The following CTDSPL variants were observed in gnomAD, a reference collection of about 807,000 sequenced individuals.
CTDSPL encodes the protein CTD small phosphatase like.
CTDSPL carries 8 observed loss-of-function variants against 30.5 expected under a neutral mutation model. The ratio of observed to expected loss-of-function variants is 0.26; its 90% confidence interval spans 0.15 to 0.47. The LOEUF (loss-of-function observed/expected upper bound fraction) is 0.47. Ranked by LOEUF, CTDSPL falls within the 20% of genes least tolerant of loss-of-function variation. The probability of loss-of-function intolerance (pLI) is 0.99; values close to 1 mark genes in which losing one functional copy is unlikely to be tolerated. For synonymous variants in CTDSPL, 110 were observed against 137.9 expected, an observed-to-expected ratio of 0.80 and a Z score of 1.42; for missense variants, 248 against 366.1, an observed-to-expected ratio of 0.68 and a Z score of 2.63.
Position 37,862,161 on chromosome 3 carries a change from G to T in CTDSPL, c.-39G>T. 1 of 1,027,936 alleles carries T rather than the reference G, an allele frequency of 9.7e-7. No individual in the cohort carries two copies. Among genetic ancestry groups the T allele is most frequent in the South Asian group, 4.6e-5 (1 of 21,888 alleles). The allele number at this position is 1,027,936 out of a possible 1,614,324, so 63.7% of individuals were successfully genotyped here. The stretch of plus-strand genomic sequence containing the variant: ...CGCGCCCCCGCGCGCTTGGCTTGCG[G>T]GGGGCCGGGCCTGCGGGCGGCCGCC... On this transcript the variant is annotated 5_prime_UTR_variant, in exon 1 of 8. Coordinates refer to ENST00000273179, the MANE Select transcript of CTDSPL (RefSeq NM_001008392.2). The surrounding 1 kb of genome is among the most constrained non-coding windows in gnomAD (Gnocchi z 4.3).
Position 37,862,267 on chromosome 3 carries a change from C to A in CTDSPL, c.68C>A (p.Ala23Glu). 6.7e-7 allele frequency: 1 copy of A among 1,494,776 alleles called. No homozygotes were observed. The highest frequency in any genetic ancestry group is 8.9e-7 in the Non-Finnish European group (1 of 1,125,516). 92.6% of individuals were successfully genotyped at this position (1,494,776 alleles called of 1,614,324 possible). A position where few individuals can be genotyped will look rare whatever the true frequency, so the allele number is the denominator to read the frequency against. ...PKEDEGRLPGAGEKASQCNVS... is the reference protein window; with the variant it reads ...PKEDEGRLPGEGEKASQCNVS... ...GAGGACGAGGGCCGGTTGCCGGGCG[C>A]GGGCGAGAAAGGTGAGGAGGGGCGC... is the stretch of plus-strand genomic sequence containing the variant. Residue 23 changes from alanine (A) to glutamate (E), a missense_variant, in exon 1 of 8, where the codon GCG becomes GAG. Physicochemically the swap from Ala to Glu is moderately radical, Grantham distance 107. Transcript: ENST00000273179. The surrounding 1 kb of genome is among the most constrained non-coding windows in gnomAD (Gnocchi z 4.3).
chr3:37,931,174 G>T (rs1028241205), intron 1 of CTDSPL, among the ~76,000 whole-genome samples: 1 of 147,950 alleles, frequency 6.8e-6, no homozygotes. Flanking sequence ...TCGAGACAAG[G>T]TTTCACTGTG....
chr3:37,867,928 C>T (rs764479970), intron 1 of CTDSPL, among the ~76,000 whole-genome samples: 3 of 152,092 alleles, frequency 2.0e-5, no homozygotes, highest in Non-Finnish European at 4.4e-5. Context: ...CGTTTGTCAC[C>T]ACAAAGGAAC....
At position 37,926,667 on chromosome 3, in the gene CTDSPL, A is replaced by T. The variant is rs570787874; in HGVS notation, c.80-20390A>T. Among the ~76,000 whole-genome samples the T allele has an allele frequency of 2.0e-5, 3 of 152,350 alleles. No homozygotes were observed. The South Asian group carries it at 6.2e-4, about 32-fold the overall frequency. On this transcript the variant is annotated intron_variant, in intron 1 of 7. Transcript: ENST00000273179. Reference sequence around the variant, plus strand: ...CATTCTAATTAAACATCATGGGAAGAAGTTTGATACAATTATGGCAGATTT... The same window carrying T: ...CATTCTAATTAAACATCATGGGAAGTAGTTTGATACAATTATGGCAGATTT...
chr3:37,880,447 A>G (rs960203420), intron 1 of CTDSPL, among the ~76,000 whole-genome samples: 1 of 152,176 alleles, frequency 6.6e-6, no homozygotes, highest in African/African-American at 2.4e-5. Context: ...TGCCTCTGTC[A>G]TGGGCAGCAT....
chr3:37,957,092 TTTTTTTC>T lies in CTDSPL; in HGVS notation c.235-13_235-7del. 1 of 1,597,186 alleles carries T rather than the reference TTTTTTTC, an allele frequency of 6.3e-7. No homozygotes were observed. Among genetic ancestry groups the T allele is most frequent in the Non-Finnish European group, 8.5e-7 (1 of 1,169,638 alleles). On this transcript the variant is annotated splice_polypyrimidine_tract_variant and intron_variant, in intron 2 of 7. Coordinates refer to ENST00000273179, the MANE Select transcript of CTDSPL (RefSeq NM_001008392.2). ...TTCTCTTCGAACCTGACAATGATTT[TTTTTTTC>T]TTTTTCCTCAGGGTGACCAGAGGCA...
At chr3:37,864,420 A>G (rs1697983608) in intron 1 of CTDSPL, among the ~76,000 whole-genome samples, 1 of 152,166 alleles carries the variant, frequency 6.6e-6, no homozygotes, top group Non-Finnish European at 1.5e-5. Context: ...TATTATCTTT[A>G]GCAGCCTATT....
intron 1 of CTDSPL, among the ~76,000 whole-genome samples, chr3:37,945,890 A>G (rs1182555530): frequency 1.3e-5 from 2 of 152,230 alleles, no homozygotes. Flanking sequence ...AGCACCCCCA[A>G]AACATTCAGC....
In CTDSPL at chr3:37,918,411, C is replaced by G. The variant is rs966528584; in HGVS notation, c.80-28646C>G. ...TGTGTCTGCTCCAGAAAGCTGGGGT[C>G]CTTGTGGCCTCATGTGAAATATTTC... On this transcript the variant is annotated intron_variant, in intron 1 of 7. Transcript: ENST00000273179. Among the ~76,000 whole-genome samples, 3 of 152,138 alleles carry G rather than the reference C, an allele frequency of 2.0e-5. No homozygotes were observed. The South Asian group carries it at 6.2e-4, about 32-fold the overall frequency.
Position 37,862,349 on chromosome 3 carries a change from G to C in CTDSPL, c.79+71G>C, listed in dbSNP as rs1697952030. 7.5e-7 allele frequency: 1 copy of C among 1,328,372 alleles called. No homozygotes were observed. Among genetic ancestry groups the C allele is most frequent in the Non-Finnish European group, 9.7e-7 (1 of 1,027,556 alleles). 82.3% of individuals were successfully genotyped at this position (1,328,372 alleles called of 1,614,324 possible). ...CCCGCGCCGCTGGAGTTCACTGCCG[G>C]GCGCCGGCATGGGCCTGGGGGAGGG... On this transcript the variant is annotated intron_variant, in intron 1 of 7. Transcript: ENST00000273179. This position sits in a 1 kb window ranked among gnomAD's most constrained non-coding sequence, Gnocchi z 4.3.
chr3:37,895,014 A>G lies in CTDSPL; in HGVS notation c.79+32736A>G, dbSNP rs79560513. Among the ~76,000 whole-genome samples, 1,034 of 152,252 alleles carry G rather than the reference A, an allele frequency of 6.8e-3. 33 individuals carry two copies. In the East Asian group the frequency reaches 0.1, roughly 15 times the overall value. ...TTAAAAAATCTTATCTGCTAATTGC[A>G]CCGTCTAGGTTATCTTGGATTCTCT... On this transcript the variant is annotated intron_variant, in intron 1 of 7. Transcript: ENST00000273179.
intron 1 of CTDSPL, among the ~76,000 whole-genome samples, chr3:37,892,312 G>A (rs921016454): frequency 2.6e-5 from 4 of 152,114 alleles, no homozygotes; most frequent in African/African-American, 7.2e-5. Context: ...ATTAAAAAAG[G>A]CTAAATGAAG....
chr3:37,936,690 C>T (rs951469186), intron 1 of CTDSPL, among the ~76,000 whole-genome samples: 2 of 141,466 alleles, frequency 1.4e-5, no homozygotes, highest in Admixed American at 7.0e-5. Flanking sequence ...AGGTGTTTAG[C>T]TTATTCCGTA....
chr3:37,949,331 A>G (rs1194260622), intron 2 of CTDSPL, among the ~76,000 whole-genome samples: 2 of 152,206 alleles, frequency 1.3e-5, no homozygotes, highest in Non-Finnish European at 2.9e-5. Context: ...TATGGACATA[A>G]TTATGAATGT....
At chr3:37,927,632 ATATATGTGTGTG>A (rs1318653161) in intron 1 of CTDSPL, among the ~76,000 whole-genome samples, 25 of 83,916 alleles carry the variant, frequency 3.0e-4, no homozygotes, top group African/African-American at 1.4e-3. Flanking sequence ...TAAAAGAAAA[ATATATGTGTGTG>A]TGTGTGTGTG....
chr3:37,975,957 G>A lies in CTDSPL; in HGVS notation c.705+63G>A, dbSNP rs537057884. On this transcript the variant is annotated intron_variant, in intron 7 of 7. Coordinates refer to ENST00000273179, the MANE Select transcript of CTDSPL (RefSeq NM_001008392.2). This position sits in a 1 kb window ranked among gnomAD's most constrained non-coding sequence, Gnocchi z 4.9. The stretch of plus-strand genomic sequence containing the variant: ...CTGAGCCCTCTGTCTTGCCAGGCAG[G>A]TACCACTTTTGAGCACCTACACAAG... The A allele has an allele frequency of 5.7e-5, 88 of 1,549,712 alleles. No homozygotes were observed. In the African/African-American group the frequency reaches 1.2e-3, roughly 21 times the overall value.
At position 37,884,923 on chromosome 3, in the gene CTDSPL, T is replaced by C. The variant is rs116316809; in HGVS notation, c.79+22645T>C. ...TGAGGAAAGTGATAAGAGTCTCCAA[T>C]AGAACTGACAGCAGGAAAGGGATTT... On this transcript the variant is annotated intron_variant, in intron 1 of 7. Coordinates refer to ENST00000273179, the MANE Select transcript of CTDSPL (RefSeq NM_001008392.2). 8.6e-3 allele frequency among the ~76,000 whole-genome samples: 1,308 copies of C among 152,082 alleles called. 24 individuals are homozygous for C. Among genetic ancestry groups the C allele is most frequent in the African/African-American group, 0.029 (1,207 of 41,474 alleles).
intron 1 of CTDSPL, among the ~76,000 whole-genome samples, chr3:37,920,208 G>A (rs1353509745): frequency 1.3e-5 from 2 of 152,204 alleles, no homozygotes; most frequent in Non-Finnish European, 1.5e-5. Flanking sequence ...TCCACTTGAA[G>A]CCTTTGAGGA....
chr3:37,880,015 G>C (rs189267003), intron 1 of CTDSPL, among the ~76,000 whole-genome samples: 2 of 151,068 alleles, frequency 1.3e-5, no homozygotes, highest in African/African-American at 4.9e-5. Flanking sequence ...AGACCTTGCC[G>C]TTGTATTTGA....
Sources: allele counts gnomAD v4.1 joint callset (sites outside exome capture counted in the v4.1 genomes callset), GRCh38; gene constraint gnomAD v4.1.1; non-coding constraint Gnocchi (gnomAD v3.1); transcripts MANE v1.5; gene names NCBI Gene and HGNC (gene_info 2026-07-23, HGNC 2026-07-21).